TMEM61: variants seen among roughly 807,000 people sequenced by gnomAD.
TMEM61 encodes the protein transmembrane protein 61.
A neutral mutation model predicts 12.0 loss-of-function variants in TMEM61; 13 were observed. The ratio of observed to expected loss-of-function variants is 1.08; its 90% CI spans 0.70 to 1.72. The LOEUF (loss-of-function observed/expected upper bound fraction) is 1.72. TMEM61 is among the 40% of genes most tolerant of loss of function. TMEM61 has a pLI of 0.00. For missense variants in TMEM61, 249 were observed against 276.9 expected (o/e 0.90, Z 0.71); for synonymous variants, 109 against 121.4 (o/e 0.90, Z 0.67).
At chr1:54,987,064 T>C (rs1644266092) in intron 2 of TMEM61, among the ~76,000 whole-genome samples, 1 of 152,182 alleles carries the variant, frequency 6.6e-6, no homozygotes, top group Non-Finnish European at 1.5e-5. Context: ...AAAGGAGGCA[T>C]GGAGACACTA....
At chr1:54,984,098 A>G (rs1196534404) in intron 1 of TMEM61, among the ~76,000 whole-genome samples, 1 of 152,196 alleles carries the variant, frequency 6.6e-6, no homozygotes, top group Non-Finnish European at 1.5e-5. Flanking sequence ...ATTTGGTAAC[A>G]TGCCCTTTTG....
chr1:54,989,868 G>A (rs1201512060), intron 2 of TMEM61, among the ~76,000 whole-genome samples: 1 of 152,202 alleles, frequency 6.6e-6, no homozygotes, highest in Non-Finnish European at 1.5e-5. Context: ...GAGCATGGCT[G>A]GGAGGTGAGC....
At chr1:54,986,921 A>G (rs1442231606) in intron 2 of TMEM61, among the ~76,000 whole-genome samples, 1 of 152,236 alleles carries the variant, frequency 6.6e-6, no homozygotes, top group Non-Finnish European at 1.5e-5. Context: ...AGCAACAGCA[A>G]TAATAGCAAA....
intron 1 of TMEM61, among the ~76,000 whole-genome samples, chr1:54,985,219 A>ATGTGTGTGTGTGTG (rs35817239): frequency 6.6e-5 from 10 of 150,618 alleles, no homozygotes; most frequent in African/African-American, 2.4e-4. Context: ...GAACGTGTGT[A>ATGTGTGTGTGTGTG]TGTGTGTGTG....
At chr1:54,983,302 A>G (rs930410314) in intron 1 of TMEM61, among the ~76,000 whole-genome samples, 1 of 151,464 alleles carries the variant, frequency 6.6e-6, no homozygotes, top group Non-Finnish European at 1.5e-5. Context: ...TTGTATTTCT[A>G]GTAGAGACGG....
At chr1:54,986,499 C>A in intron 2 of TMEM61, 53 bp downstream of exon 2, 2 of 1,385,864 alleles carry the variant, frequency 1.4e-6, no homozygotes, top group South Asian at 2.9e-5. Flanking sequence ...GGGGCCCAGT[C>A]ACACCAGCCC....
At position 54,986,200 on chromosome 1, in the gene TMEM61, A is replaced by G; in HGVS notation, c.119A>G (p.Glu40Gly). The G allele has an allele frequency of 6.2e-7, 1 of 1,613,870 alleles. No individual in the cohort carries two copies. Among genetic ancestry groups the G allele is most frequent in the Non-Finnish European group, 8.5e-7 (1 of 1,180,008 alleles). ...AGTLCFAWWS[E>G]GDATAQPGQL... ...ACGCTCTGCTTCGCTTGGTGGAGCGAAGGGGATGCAACCGCCCAGCCTGGC... is the reference window on the plus strand; with the variant it reads ...ACGCTCTGCTTCGCTTGGTGGAGCGGAGGGGATGCAACCGCCCAGCCTGGC... The change falls in exon 2 of 3, where the codon GAA (glutamate) becomes GGA (glycine). Residue 40 changes from glutamate to glycine, a missense_variant. Physicochemically the swap from Glu to Gly is moderately conservative, Grantham distance 98. Coordinates refer to ENST00000371268, the MANE Select transcript of TMEM61 (RefSeq NM_182532.3).
Position 54,992,060 on chromosome 1 carries a change from G to A in TMEM61, c.590G>A (p.Arg197His), listed in dbSNP as rs188021053. Residue 197 changes from arginine (R) to histidine (H), a missense_variant, in exon 3 of 3, where the codon CGC (arginine) becomes CAC (histidine). Arg to His is a conservative substitution (Grantham distance 29). Coordinates refer to ENST00000371268, the MANE Select transcript of TMEM61 (RefSeq NM_182532.3). Reference protein sequence around the residue: ...VSAETTPSATRSCSGLVQTAR... With the variant: ...VSAETTPSATHSCSGLVQTAR... The stretch of plus-strand genomic sequence containing the variant: ...GCGGAGACGACACCGAGTGCCACAC[G>A]CTCCTGCTCAGGCCTGGTTCAGACT... 1.6e-5 allele frequency: 26 copies of A among 1,613,386 alleles called. No individual in the cohort carries two copies. The highest frequency in any genetic ancestry group is 4.5e-5 in the East Asian group (2 of 44,872).
At chr1:54,984,256 T>C (rs1444318384) in intron 1 of TMEM61, among the ~76,000 whole-genome samples, 1 of 152,190 alleles carries the variant, frequency 6.6e-6, no homozygotes, top group Non-Finnish European at 1.5e-5. Flanking sequence ...GGATTTGTGA[T>C]CACTGAAGCC....
chr1:54,985,264 TCTCA>T (rs66525064), intron 1 of TMEM61, among the ~76,000 whole-genome samples: 93,418 of 151,710 alleles, frequency 0.62, 32,845 homozygotes, highest in Non-Finnish European at 0.79. Context: ...TGTGACAGAG[TCTCA>T]CTCTTTTGCC....
chr1:54,986,369 A>G lies in TMEM61; in HGVS notation c.288A>G (p.Pro96=). 1 of 1,612,906 alleles carries G rather than the reference A, an allele frequency of 6.2e-7. No individual in the cohort carries two copies. Among genetic ancestry groups the G allele is most frequent in the Non-Finnish European group, 8.5e-7 (1 of 1,179,250 alleles). Residue 96 remains proline, a synonymous_variant, in exon 2 of 3, where the codon CCA becomes CCG. Transcript: ENST00000371268. The stretch of plus-strand genomic sequence containing the variant: ...CCGTCAAGGCCAGCATCCCAGGGCC[A>G]CCTCGATGGGACCCCTATCACCTCT... ...LWSVKASIPG[P]PRWDPYHLSR...
intron 1 of TMEM61, among the ~76,000 whole-genome samples, chr1:54,984,749 G>A (rs1188843126): frequency 6.6e-6 from 1 of 152,198 alleles, no homozygotes; most frequent in African/African-American, 2.4e-5. Flanking sequence ...GTGGCCCAGG[G>A]CACTTAGGGG....
chr1:54,981,305 C>T (rs1215719957), intron 1 of TMEM61, among the ~76,000 whole-genome samples: 1 of 152,184 alleles, frequency 6.6e-6, no homozygotes, highest in African/African-American at 2.4e-5. Context: ...TTCGTCTTTA[C>T]AGAAAGCGGC....
chr1:54,986,028 A>G, intron 1 of TMEM61, 69 bp from the exon 2 acceptor site: 1 of 1,386,610 alleles, frequency 7.2e-7, no homozygotes, highest in Admixed American at 2.2e-5. Context: ...CAGGCAAAGG[A>G]ATTAACACCT....
In TMEM61 at chr1:54,986,180, C is replaced by G. The variant is rs770666105; in HGVS notation, c.99C>G (p.Leu33=). 1.9e-6 allele frequency: 3 copies of G among 1,613,696 alleles called. No homozygotes were observed. The highest frequency in any genetic ancestry group is 2.5e-6 in the Non-Finnish European group (3 of 1,179,820). ...CAGTGGTTCTGGTGGCCGGGACGCTCTGCTTCGCTTGGTGGAGCGAAGGGG... is the reference window on the plus strand; with the variant it reads ...CAGTGGTTCTGGTGGCCGGGACGCTGTGCTTCGCTTGGTGGAGCGAAGGGG... ...SGTVVLVAGT[L]CFAWWSEGDA... is the part of the protein sequence containing the mutation. The change falls in exon 2 of 3, where the codon CTC becomes CTG. Residue 33 remains leucine, a synonymous_variant. Transcript: ENST00000371268.
chr1:54,986,499 C>G, intron 2 of TMEM61, 53 bp downstream of exon 2: 1 of 1,385,870 alleles, frequency 7.2e-7, no homozygotes, highest in South Asian at 1.4e-5. Flanking sequence ...GGGGCCCAGT[C>G]ACACCAGCCC....
intron 2 of TMEM61, among the ~76,000 whole-genome samples, chr1:54,988,968 G>A (rs1389500820): frequency 2.0e-5 from 3 of 152,176 alleles, no homozygotes; most frequent in Non-Finnish European, 2.9e-5. Flanking sequence ...TCTCTCAACT[G>A]GGGTGAAGAC....
At chr1:54,983,109 G>GTTTT (rs780127208) in intron 1 of TMEM61, among the ~76,000 whole-genome samples, 4,081 of 109,006 alleles carry the variant, frequency 0.037, 634 homozygotes, top group African/African-American at 0.11. Context: ...GTTTTGCTTT[G>GTTTT]TTTTTTTTTT....
rs752016944 is a variant in TMEM61, at chr1:54,986,157, G to A, written c.76G>A (p.Val26Met). 3.7e-6 allele frequency: 6 copies of A among 1,612,590 alleles called. No individual in the cohort carries two copies. In the South Asian group the frequency reaches 5.5e-5, roughly 15 times the overall value. The change falls in exon 2 of 3, where the codon GTG becomes ATG. Residue 26 changes from valine to methionine, a missense_variant. Coordinates refer to ENST00000371268, the MANE Select transcript of TMEM61 (RefSeq NM_182532.3). ...CTATTGCATGACAGTCAGCGGCACA[G>A]TGGTTCTGGTGGCCGGGACGCTCTG... ...LRYCMTVSGT[V>M]VLVAGTLCFA...
Sources: allele counts gnomAD v4.1 joint callset (sites outside exome capture counted in the v4.1 genomes callset), GRCh38; gene constraint gnomAD v4.1.1; transcripts MANE v1.5; gene names NCBI Gene and HGNC (gene_info 2026-07-23, HGNC 2026-07-21).